The following TRPM3 variants were observed in gnomAD, a reference collection of about 807,000 sequenced individuals.
The protein encoded by TRPM3 is transient receptor potential cation channel subfamily M member 3, also known as long transient receptor potential channel 3.
In TRPM3, 77 loss-of-function variants were observed where a neutral mutation model predicts 181.2. The ratio of observed to expected loss-of-function variants is 0.42; its 90% CI spans 0.35 to 0.51. TRPM3 has a LOEUF of 0.51. TRPM3 is among the 20% of genes least tolerant of loss of function. The pLI is 0.01. For synonymous variants in TRPM3, 745 were observed against 796.4 expected (o/e 0.94, Z 1.09); for missense variants, 1,759 against 2,196.7 (o/e 0.80, Z 3.98).
At chr9:71,393,325 T>C (rs2093109083) in intron 1 of TRPM3, among the ~76,000 whole-genome samples, 1 of 152,152 alleles carries the variant, frequency 6.6e-6, no homozygotes, top group Non-Finnish European at 1.5e-5. Context: ...AAACATACTA[T>C]ATGTTGAGAA....
chr9:71,217,095 C>T (rs935216246), intron 1 of TRPM3, among the ~76,000 whole-genome samples: 25 of 151,176 alleles, frequency 1.7e-4, no homozygotes, highest in African/African-American at 5.6e-4. Context: ...GGACTACAGG[C>T]GCCCGCTACC....
intron 1 of TRPM3, among the ~76,000 whole-genome samples, chr9:70,889,922 T>C (rs2096167739): frequency 6.7e-6 from 1 of 148,584 alleles, no homozygotes; most frequent in African/African-American, 2.4e-5. Flanking sequence ...AAAATTAGTA[T>C]ATATGTAGTA....
chr9:70,879,983 C>T (rs543837194), intron 1 of TRPM3, among the ~76,000 whole-genome samples: 1 of 152,190 alleles, frequency 6.6e-6, no homozygotes, highest in African/African-American at 2.4e-5. Flanking sequence ...TTCACCAATT[C>T]TGCATTACAG....
chr9:71,017,818 A>C (rs1485691785), intron 1 of TRPM3, among the ~76,000 whole-genome samples: 1 of 151,906 alleles, frequency 6.6e-6, no homozygotes, highest in Non-Finnish European at 1.5e-5. Context: ...ATAAAAAATA[A>C]GCAACAGATT....
intron 1 of TRPM3, among the ~76,000 whole-genome samples, chr9:71,379,511 C>G (rs766718840): frequency 5.3e-5 from 8 of 151,972 alleles, no homozygotes; most frequent in Admixed American, 6.6e-5. Flanking sequence ...ACCGTCAGAG[C>G]AGTGGCTCTT....
chr9:70,925,317 T>A (rs2133341047), intron 1 of TRPM3, among the ~76,000 whole-genome samples: 1 of 152,154 alleles, frequency 6.6e-6, no homozygotes, highest in Admixed American at 6.6e-5. Context: ...TGTTCGAGAG[T>A]ACTGATAACA....
intron 1 of TRPM3, among the ~76,000 whole-genome samples, chr9:71,110,692 T>C (rs918766880): frequency 6.6e-6 from 1 of 152,182 alleles, no homozygotes; most frequent in Non-Finnish European, 1.5e-5. Flanking sequence ...ATAAAACTAC[T>C]TATTCTAGGT....
chr9:70,915,105 C>T (rs368789566), intron 1 of TRPM3, among the ~76,000 whole-genome samples: 1 of 152,070 alleles, frequency 6.6e-6, no homozygotes, highest in African/African-American at 2.4e-5. Flanking sequence ...TGAAATGAAC[C>T]AAATAAGATC....
Position 70,938,678 on chromosome 9 carries a change from C to T in TRPM3, c.178-74167G>A, listed in dbSNP as rs549414064. 6.6e-4 allele frequency among the ~76,000 whole-genome samples: 101 copies of T among 152,168 alleles called. 1 individual carries two copies. The South Asian group carries it at 8.5e-3, about 13-fold the overall frequency. ...TCATTAGACATTCATTTCTTTTGGG[C>T]GCGGTGGCTCACACCTGTAATCCCA... On this transcript the variant is annotated intron_variant, in intron 1 of 25. Coordinates refer to ENST00000677713, the MANE Select transcript of TRPM3 (RefSeq NM_001366145.2).
At chr9:71,308,009 C>T (rs1225985131) in intron 1 of TRPM3, among the ~76,000 whole-genome samples, 1 of 143,670 alleles carries the variant, frequency 7.0e-6, no homozygotes, top group Non-Finnish European at 1.5e-5. Context: ...TCACTCTTGT[C>T]GCCCAGGCTG....
At chr9:70,908,210 G>C (rs1168957969) in intron 1 of TRPM3, among the ~76,000 whole-genome samples, 1 of 152,206 alleles carries the variant, frequency 6.6e-6, no homozygotes, top group Non-Finnish European at 1.5e-5. Context: ...CCAGGAACCT[G>C]TGTATTTCCC....
intron 6 of TRPM3, among the ~76,000 whole-genome samples, chr9:70,799,297 C>A (rs984543885): frequency 1.8e-4 from 27 of 151,506 alleles, no homozygotes; most frequent in Admixed American, 1.3e-3. Context: ...TTAAAGTAAC[C>A]ATTATCATAG....
intron 1 of TRPM3, among the ~76,000 whole-genome samples, chr9:71,310,158 ATGAAATTAAATCTC>A (rs540471907): frequency 6.6e-6 from 1 of 152,046 alleles, no homozygotes; most frequent in Admixed American, 6.6e-5. Flanking sequence ...TTTTAAATCA[ATGAAATTAAATCTC>A]TGAAATTAAA....
chr9:70,958,161 G>A (rs2097098840), intron 1 of TRPM3, among the ~76,000 whole-genome samples: 1 of 152,132 alleles, frequency 6.6e-6, no homozygotes, highest in African/African-American at 2.4e-5. Flanking sequence ...CAACCCCAGG[G>A]CAGTGACCCC....
intron 1 of TRPM3, among the ~76,000 whole-genome samples, chr9:71,441,037 C>T (rs1397755513): frequency 6.6e-6 from 1 of 152,070 alleles, no homozygotes; most frequent in Non-Finnish European, 1.5e-5. Flanking sequence ...TTTTACTCCT[C>T]CAAACTTAAA....
At chr9:70,575,922 C>A (rs1404590038) in intron 22 of TRPM3, among the ~76,000 whole-genome samples, 1 of 152,172 alleles carries the variant, frequency 6.6e-6, no homozygotes, top group African/African-American at 2.4e-5. Flanking sequence ...CTTCCAAAAG[C>A]AAACTCTTCT....
chr9:70,968,321 C>A (rs1363879964), intron 1 of TRPM3, among the ~76,000 whole-genome samples: 1 of 152,082 alleles, frequency 6.6e-6, no homozygotes. Flanking sequence ...TTTTTCATCC[C>A]ATTTTGGCAA....
intron 1 of TRPM3, among the ~76,000 whole-genome samples, chr9:71,329,290 GAGT>G (rs1282286241): frequency 1.3e-5 from 2 of 152,176 alleles, no homozygotes; most frequent in African/African-American, 2.4e-5. Flanking sequence ...GCAAAGAAAT[GAGT>G]AGGTTTTATA....
At chr9:70,996,808 A>G (rs997567641) in intron 1 of TRPM3, among the ~76,000 whole-genome samples, 3 of 152,200 alleles carry the variant, frequency 2.0e-5, no homozygotes, top group African/African-American at 7.2e-5. Flanking sequence ...AATTAACTAG[A>G]AATGTGGATT....
Sources: allele counts gnomAD v4.1 joint callset (sites outside exome capture counted in the v4.1 genomes callset), GRCh38; gene constraint gnomAD v4.1.1; transcripts MANE v1.5; gene names NCBI Gene and HGNC (gene_info 2026-07-23, HGNC 2026-07-21).